Variants in MFSD6 observed in about 807,000 individuals in gnomAD.
The protein encoded by MFSD6 is major facilitator superfamily domain-containing protein 6.
MFSD6 carries 26 observed loss-of-function variants against 56.3 expected under a neutral mutation model. The ratio of observed to expected loss-of-function variants is 0.46; its 90% confidence interval spans 0.34 to 0.64. The LOEUF (loss-of-function observed/expected upper bound fraction) is 0.64, where lower values mean the gene tolerates loss of function less well. Among genes scored for constraint, MFSD6 ranks in the 30% least tolerant of loss-of-function variants. The pLI is 0.01. For synonymous variants in MFSD6, 331 were observed against 366.9 expected, an observed-to-expected ratio of 0.90 and a Z score of 1.12; for missense variants, 750 against 986.2, an observed-to-expected ratio of 0.76 and a Z score of 3.21.
chr2:190,444,548 G>A (rs1225717152), intron 3 of MFSD6, among the ~76,000 whole-genome samples: 4 of 152,220 alleles, frequency 2.6e-5, no homozygotes, highest in Admixed American at 2.6e-4. Flanking sequence ...TCTTTTTAGT[G>A]TAGGGGAGAT....
At chr2:190,448,744 G>T (rs916934312) in intron 3 of MFSD6, among the ~76,000 whole-genome samples, 3 of 152,148 alleles carry the variant, frequency 2.0e-5, no homozygotes, top group South Asian at 2.1e-4. Flanking sequence ...ACTTGGATGG[G>T]GAACAAAGGG....
chr2:190,436,136 C>G lies in MFSD6; in HGVS notation c.107C>G (p.Pro36Arg), dbSNP rs1686167479. Residue 36 changes from proline (P) to arginine (R), a missense_variant, in exon 3 of 8, where the codon CCT becomes CGT. Coordinates refer to ENST00000392328, the MANE Select transcript of MFSD6 (RefSeq NM_017694.4). This position sits in a 1 kb window ranked among gnomAD's most constrained non-coding sequence, Gnocchi z 5.3. ...FNGISREPEPPSNETPSSTET... is the reference protein window; with the variant it reads ...FNGISREPEPRSNETPSSTET... ...GGTATTTCCAGGGAACCAGAACCAC[C>G]TTCGAATGAAACACCTTCCTCCACA... The G allele has an allele frequency of 6.2e-7, 1 of 1,614,080 alleles. No individual in the cohort carries two copies. The highest frequency in any genetic ancestry group is 8.5e-7 in the Non-Finnish European group (1 of 1,180,040).
In MFSD6 at chr2:190,458,042, C is replaced by T. The variant is rs754130619; in HGVS notation, c.1533-11716C>T. On this transcript the variant is annotated intron_variant, in intron 3 of 7. Coordinates refer to ENST00000392328, the MANE Select transcript of MFSD6 (RefSeq NM_017694.4). This position sits in a 1 kb window ranked among gnomAD's most constrained non-coding sequence, Gnocchi z 5.3. ...TACAGCCTCACTCTGACTGTTGAGG[C>T]CCGAGGAAGCTGCCAGCGGTGTCAC... 6.6e-6 allele frequency among the ~76,000 whole-genome samples: 1 copy of T among 152,166 alleles called. No individual in the cohort carries two copies. The highest frequency in any genetic ancestry group is 2.4e-5 in the African/African-American group (1 of 41,444).
rs527251749 is a variant in MFSD6 at position 190,478,599 on chromosome 2, G to A, written c.1630+8744G>A. 9.2e-5 allele frequency among the ~76,000 whole-genome samples: 14 copies of A among 152,256 alleles called. No homozygotes were observed. The South Asian group carries it at 2.9e-3, about 32-fold the overall frequency. Reference sequence around the variant, plus strand: ...CTCTATTTAGGATGCAGTAAGGCAGGACATGATTAAAACAAATCACTGAAT... The same window carrying A: ...CTCTATTTAGGATGCAGTAAGGCAGAACATGATTAAAACAAATCACTGAAT... On this transcript the variant is annotated intron_variant, in intron 4 of 7. Transcript: ENST00000392328.
chr2:190,474,924 A>G (rs2125169787), intron 4 of MFSD6, among the ~76,000 whole-genome samples: 1 of 152,382 alleles, frequency 6.6e-6, no homozygotes, highest in East Asian at 1.9e-4. Context: ...ATGCAAATCA[A>G]TAAATGTAAT....
rs1432540829 is a variant in MFSD6, at chr2:190,498,436, G to A, written c.2172+717G>A. On this transcript the variant is annotated intron_variant, in intron 7 of 7. Transcript: ENST00000392328. The surrounding 1 kb of genome is among the most constrained non-coding windows in gnomAD (Gnocchi z 5.9). ...GCTTCAGAGGACACATAAAAATAAAGGGGAAAGATTTAAAAATAAGGGTCA... is the reference window on the plus strand; with the variant it reads ...GCTTCAGAGGACACATAAAAATAAAAGGGAAAGATTTAAAAATAAGGGTCA... Among the ~76,000 whole-genome samples the A allele has an allele frequency of 3.3e-5, 5 of 152,108 alleles. No homozygotes were observed. The highest frequency in any genetic ancestry group is 1.5e-5 in the Non-Finnish European group (1 of 68,010).
rs544591315 is a variant in MFSD6 at position 190,482,903 on chromosome 2, T to TTTTTTTTTTTTTTTTTTTTG, written c.1631-5754_1631-5753insTTTTTTTTTTTTTTTTTTTG. ...TTTTTTTTTTTTTTTTTTTTTTTTT[T>TTTTTTTTTTTTTTTTTTTTG]AGACGGAGTCTCACTCTGTCGCCCA... On this transcript the variant is annotated intron_variant, in intron 4 of 7. Coordinates refer to ENST00000392328, the MANE Select transcript of MFSD6 (RefSeq NM_017694.4). 9.3e-4 allele frequency among the ~76,000 whole-genome samples: 80 copies of TTTTTTTTTTTTTTTTTTTTG among 86,246 alleles called. 32 individuals are homozygous for TTTTTTTTTTTTTTTTTTTTG. The highest frequency in any genetic ancestry group is 1.2e-3 in the East Asian group (3 of 2,442). 56.6% of individuals were successfully genotyped at this position (86,246 alleles called of 152,430 possible).
chr2:190,499,888 T>G lies in MFSD6; in HGVS notation c.2173-127T>G, dbSNP rs1192405222. 1.3e-6 allele frequency: 2 copies of G among 1,561,802 alleles called. No individual in the cohort carries two copies. Among genetic ancestry groups the G allele is most frequent in the East Asian group, 4.7e-5 (2 of 42,160 alleles). ...CATTCTATCCTTATTCCTCTATTAC[T>G]TGGTCCCTGAAATGGGCACTTCCGG... is the stretch of plus-strand genomic sequence containing the variant. On this transcript the variant is annotated intron_variant, in intron 7 of 7. Transcript: ENST00000392328. This position sits in a 1 kb window ranked among gnomAD's most constrained non-coding sequence, Gnocchi z 6.0.
rs528394274 is a variant in MFSD6, at chr2:190,477,371, T to C, written c.1630+7516T>C. ...TGCTACAGTGTGCAGACTCTATAAATAAAGATTTGTATACCTACAGAAAAG... is the reference window on the plus strand; with the variant it reads ...TGCTACAGTGTGCAGACTCTATAAACAAAGATTTGTATACCTACAGAAAAG... On this transcript the variant is annotated intron_variant, in intron 4 of 7. Coordinates refer to ENST00000392328, the MANE Select transcript of MFSD6 (RefSeq NM_017694.4). 18 of 981,540 alleles carry C rather than the reference T, an allele frequency of 1.8e-5. No individual in the cohort carries two copies. In the South Asian group the frequency reaches 8.5e-4, roughly 46 times the overall value. 60.8% of individuals were successfully genotyped at this position (981,540 alleles called of 1,614,324 possible).
Position 190,501,786 on chromosome 2 carries a change from AT to A in MFSD6, c.*1574del, listed in dbSNP as rs956547635. ...AAGAAATAGAATTCAGCAAATAGTT[AT>A]TTTTTGCACTTGAACTGAAACGTAC... On this transcript the variant is annotated 3_prime_UTR_variant, in exon 8 of 8. Transcript: ENST00000392328. 43 of 152,746 alleles carry A rather than the reference AT, an allele frequency of 2.8e-4. No homozygotes were observed. Among genetic ancestry groups the A allele is most frequent in the African/African-American group, 9.6e-4 (40 of 41,568 alleles). The allele number at this position is 152,746 out of a possible 1,614,324, so 9.5% of individuals were successfully genotyped here. A position where few individuals can be genotyped will look rare whatever the true frequency, so the allele number is the denominator to read the frequency against.
Position 190,499,904 on chromosome 2 carries a change from G to C in MFSD6, c.2173-111G>C. The C allele has an allele frequency of 6.4e-7, 1 of 1,571,888 alleles. No homozygotes were observed. The highest frequency in any genetic ancestry group is 8.7e-7 in the Non-Finnish European group (1 of 1,155,880). ...CTCTATTACTTGGTCCCTGAAATGG[G>C]CACTTCCGGATGATCTCCCCATGTT... On this transcript the variant is annotated intron_variant, in intron 7 of 7. Coordinates refer to ENST00000392328, the MANE Select transcript of MFSD6 (RefSeq NM_017694.4). The surrounding 1 kb of genome is among the most constrained non-coding windows in gnomAD (Gnocchi z 6.0).
At position 190,446,332 on chromosome 2, in the gene MFSD6, C is replaced by T. The variant is rs114565328; in HGVS notation, c.1532+8771C>T. Among the ~76,000 whole-genome samples, 1,039 of 152,256 alleles carry T rather than the reference C, an allele frequency of 6.8e-3. 11 individuals carry two copies. Among genetic ancestry groups the T allele is most frequent in the Middle Eastern group, 0.024 (7 of 294 alleles). Reference sequence around the variant, plus strand: ...TGGACGCAGGGTGTATCCAAGGCTGCACAGTTTGGGAAGTTCCCCCAGATC... The same window carrying T: ...TGGACGCAGGGTGTATCCAAGGCTGTACAGTTTGGGAAGTTCCCCCAGATC... On this transcript the variant is annotated intron_variant, in intron 3 of 7. Transcript: ENST00000392328.
rs902512565 is a variant in MFSD6 at position 190,469,622 on chromosome 2, G to C, written c.1533-136G>C. The C allele has an allele frequency of 7.4e-6, 3 of 405,392 alleles. No individual in the cohort carries two copies. The Admixed American group carries it at 1.3e-4, about 17-fold the overall frequency. 25.1% of individuals were successfully genotyped at this position (405,392 alleles called of 1,614,324 possible). On this transcript the variant is annotated intron_variant, in intron 3 of 7. Coordinates refer to ENST00000392328, the MANE Select transcript of MFSD6 (RefSeq NM_017694.4). This position sits in a 1 kb window ranked among gnomAD's most constrained non-coding sequence, Gnocchi z 5.3. ...CCACTCCTGAGTTTGGAGTCTGCTG[G>C]ATGATGGGTGGTTTGGGGAAGGAAA... is the stretch of plus-strand genomic sequence containing the variant.
rs1690659696 is a variant in MFSD6, at chr2:190,413,691, G to A, written c.-175-1601G>A. ...TAACCGTGCCAAAGGAAAGTGAGTG[G>A]CGAGCCTGGACTGGTAGTTAGCAGT... On this transcript the variant is annotated intron_variant, in intron 1 of 7. Transcript: ENST00000392328. The surrounding 1 kb of genome is among the most constrained non-coding windows in gnomAD (Gnocchi z 4.1). Among the ~76,000 whole-genome samples, 1 of 152,138 alleles carries A rather than the reference G, an allele frequency of 6.6e-6. No homozygotes were observed. The highest frequency in any genetic ancestry group is 1.5e-5 in the Non-Finnish European group (1 of 68,022).
chr2:190,476,042 A>G (rs1273700729), intron 4 of MFSD6, among the ~76,000 whole-genome samples: 7 of 152,186 alleles, frequency 4.6e-5, no homozygotes, highest in Non-Finnish European at 2.9e-5. Context: ...CCTTCCTTAC[A>G]CCTTATACAG....
Position 190,456,646 on chromosome 2 carries a change from G to C in MFSD6, c.1533-13112G>C, listed in dbSNP as rs370523745. 1.7e-4 allele frequency among the ~76,000 whole-genome samples: 26 copies of C among 152,282 alleles called. No individual in the cohort carries two copies. Among genetic ancestry groups the C allele is most frequent in the East Asian group, 1.4e-3 (7 of 5,182 alleles). ...CACACCCCTCTCCTTTCACAATCCTGTGTATGGTGCCCCATCCCTGACAAG... is the reference window on the plus strand; with the variant it reads ...CACACCCCTCTCCTTTCACAATCCTCTGTATGGTGCCCCATCCCTGACAAG... On this transcript the variant is annotated intron_variant, in intron 3 of 7. Transcript: ENST00000392328. This position sits in a 1 kb window ranked among gnomAD's most constrained non-coding sequence, Gnocchi z 5.4.
chr2:190,437,208 C>T lies in MFSD6; in HGVS notation c.1179C>T (p.Tyr393=), dbSNP rs764874102. 1.2e-5 allele frequency: 19 copies of T among 1,614,128 alleles called. No individual in the cohort carries two copies. Among genetic ancestry groups the T allele is most frequent in the Non-Finnish European group, 1.6e-5 (19 of 1,180,052 alleles). ...LIVATQFRFR[Y]NHFKNDDSKG... ...TTGCCACTCAGTTCCGGTTCCGCTA[C>T]AACCATTTCAAAAACGATGATTCTA... The change falls in exon 3 of 8, where the codon TAC becomes TAT. Residue 393 remains tyrosine (Y), a synonymous_variant. Coordinates refer to ENST00000392328, the MANE Select transcript of MFSD6 (RefSeq NM_017694.4). The surrounding 1 kb of genome is among the most constrained non-coding windows in gnomAD (Gnocchi z 5.9).
rs112852899 is a variant in MFSD6, at chr2:190,481,517, A to G, written c.1631-7140A>G. 7.0e-3 allele frequency among the ~76,000 whole-genome samples: 1,060 copies of G among 152,260 alleles called. 6 individuals carry two copies. The highest frequency in any genetic ancestry group is 0.011 in the Non-Finnish European group (752 of 68,020). On this transcript the variant is annotated intron_variant, in intron 4 of 7. Transcript: ENST00000392328. ...TTTTGTTCAGCTGCTGTTACATGTC[A>G]GCCCTCTGCTGGGTGCTGGATATGT...
intron 3 of MFSD6, among the ~76,000 whole-genome samples, chr2:190,440,346 AC>A (rs945117664): frequency 2.0e-5 from 3 of 152,184 alleles, no homozygotes; most frequent in South Asian, 2.1e-4. Context: ...TCTGATTTTG[AC>A]CTTGGATTTT....
Sources: allele counts gnomAD v4.1 joint callset (sites outside exome capture counted in the v4.1 genomes callset), GRCh38; gene constraint gnomAD v4.1.1; non-coding constraint Gnocchi (gnomAD v3.1); transcripts MANE v1.5; gene names NCBI Gene and HGNC (gene_info 2026-07-23, HGNC 2026-07-21).